IQSEC1: variants seen among roughly 807,000 people sequenced by gnomAD.
IQSEC1 encodes the protein IQ motif and Sec7 domain ArfGEF 1.
Under a neutral mutation model 91.0 loss-of-function variants are expected in IQSEC1, and 31 were observed. The observed-to-expected ratio is 0.34, with a 90% CI of 0.26 to 0.46. The LOEUF is 0.46. IQSEC1 is among the 20% of genes least tolerant of loss of function. IQSEC1 has a pLI of 1.00. For missense variants in IQSEC1, 1,388 were observed against 1,575.6 expected (o/e 0.88, Z 2.02); for synonymous variants, 699 against 662.6 (o/e 1.05, Z -0.84).
chr3:13,001,726 A>C (rs1437213867), intron 1 of IQSEC1, among the ~76,000 whole-genome samples: 1 of 152,390 alleles, frequency 6.6e-6, no homozygotes, highest in East Asian at 1.9e-4. Flanking sequence ...ATTTTTTACA[A>C]GGTGCCAAGA....
At chr3:13,064,477 C>T (rs1705171248) in intron 1 of IQSEC1, among the ~76,000 whole-genome samples, 2 of 152,196 alleles carry the variant, frequency 1.3e-5, no homozygotes, top group Admixed American at 6.5e-5. Flanking sequence ...TCATGTTAAT[C>T]GTGGGTGGGC....
At position 13,058,787 on chromosome 3, in the gene IQSEC1, C is replaced by T. The variant is rs565363249; in HGVS notation, c.23+14205G>A. Among the ~76,000 whole-genome samples, 11 of 152,344 alleles carry T rather than the reference C, an allele frequency of 7.2e-5. No homozygotes were observed. The East Asian group carries it at 2.1e-3, about 29-fold the overall frequency. On this transcript the variant is annotated intron_variant, in intron 1 of 13. Coordinates refer to ENST00000613206, the MANE Select transcript of IQSEC1 (RefSeq NM_001134382.3). ...GCTTCTATTTTAGGGGCGCAAGATG[C>T]TGTCACGACACACAGTGTTCCCCAT... is the stretch of plus-strand genomic sequence containing the variant.
At chr3:12,999,738 G>A (rs1000007090) in intron 1 of IQSEC1, among the ~76,000 whole-genome samples, 1 of 152,176 alleles carries the variant, frequency 6.6e-6, no homozygotes, top group Non-Finnish European at 1.5e-5. Context: ...TCATTACCCA[G>A]AACCTTCTGT....
At chr3:13,120,190 C>T (rs1706400992) in intron 2 of IQSEC1, among the ~76,000 whole-genome samples, 4 of 152,318 alleles carry the variant, frequency 2.6e-5, no homozygotes, top group African/African-American at 2.4e-5. Flanking sequence ...ACCTTCCGAC[C>T]CCCAGGGACA....
At chr3:13,174,056 T>C (rs1693670916) in intron 1 of IQSEC1, among the ~76,000 whole-genome samples, 1 of 152,110 alleles carries the variant, frequency 6.6e-6, no homozygotes, top group Non-Finnish European at 1.5e-5. Flanking sequence ...GTACAGAGTC[T>C]AACTACACTC....
At chr3:13,122,349 G>A (rs1236063278) in intron 2 of IQSEC1, among the ~76,000 whole-genome samples, 1 of 152,266 alleles carries the variant, frequency 6.6e-6, no homozygotes, top group Non-Finnish European at 1.5e-5. Context: ...AGGGCCCCGA[G>A]TGCCCCTTGA....
chr3:12,986,375 C>T (rs1244056955), intron 1 of IQSEC1, among the ~76,000 whole-genome samples: 1 of 152,208 alleles, frequency 6.6e-6, no homozygotes, highest in African/African-American at 2.4e-5. Context: ...GGGCCAGGAG[C>T]AGAGCCTGCA....
intron 2 of IQSEC1, among the ~76,000 whole-genome samples, chr3:13,136,079 C>G (rs905779409): frequency 1.3e-5 from 2 of 152,292 alleles, no homozygotes; most frequent in East Asian, 3.9e-4. Context: ...GGGCCGCCTG[C>G]GGGACATGCA....
intron 1 of IQSEC1, among the ~76,000 whole-genome samples, chr3:13,067,729 CAG>C (rs1705283484): frequency 6.6e-6 from 1 of 152,242 alleles, no homozygotes; most frequent in African/African-American, 2.4e-5. Flanking sequence ...TGGAGTCAGG[CAG>C]ACTCACTGGC....
In IQSEC1 at chr3:13,026,864, G is replaced by GCTTTTTTTTT. The variant is rs370534423; in HGVS notation, c.23+46127_23+46128insAAAAAAAAAG. 2.2e-5 allele frequency among the ~76,000 whole-genome samples: 2 copies of GCTTTTTTTTT among 90,864 alleles called. 1 individual carries two copies. The highest frequency in any genetic ancestry group is 4.9e-5 in the Non-Finnish European group (2 of 40,730). The allele number at this position is 90,864 out of a possible 152,430, so 59.6% of individuals were successfully genotyped here. ...TGAAGTAGCAGTTATTATCTCCCCA[G>GCTTTTTTTTT]TTTTTTTTTTTTTTGTTTGTTTTTT... On this transcript the variant is annotated intron_variant, in intron 1 of 13. Coordinates refer to ENST00000613206, the MANE Select transcript of IQSEC1 (RefSeq NM_001134382.3).
intron 1 of IQSEC1, among the ~76,000 whole-genome samples, chr3:13,200,119 A>G (rs1387471721): frequency 6.7e-6 from 1 of 149,590 alleles, no homozygotes; most frequent in Non-Finnish European, 1.5e-5. Context: ...ACACACATAC[A>G]CCACAGACTA....
chr3:12,909,274 C>T lies in IQSEC1; in HGVS notation c.2577G>A (p.Glu859=). 6.2e-7 allele frequency: 1 copy of T among 1,614,098 alleles called. No homozygotes were observed. Among genetic ancestry groups the T allele is most frequent in the South Asian group, 1.1e-5 (1 of 91,072 alleles). Residue 859 remains glutamate (E), a splice_region_variant and synonymous_variant, in exon 11 of 14, where the codon GAG becomes GAA. Coordinates refer to ENST00000613206, the MANE Select transcript of IQSEC1 (RefSeq NM_001134382.3). This position sits in a 1 kb window ranked among gnomAD's most constrained non-coding sequence, Gnocchi z 4.9. ...CTGTCCATGAGGCCTGGTACTCACA[C>T]TCTATCCTGTGCTTCTCCATCTCTT... ...EVQEMEKHRI[E]SELEKQKGVV...
At chr3:12,918,402 C>A (rs536306975) in intron 6 of IQSEC1, among the ~76,000 whole-genome samples, 16 of 152,320 alleles carry the variant, frequency 1.1e-4, no homozygotes, top group African/African-American at 3.6e-4. Context: ...CTGGCCGCCA[C>A]CTGACTCAGC....
chr3:12,998,150 G>C (rs1309964335), intron 1 of IQSEC1, among the ~76,000 whole-genome samples: 2 of 152,194 alleles, frequency 1.3e-5, no homozygotes, highest in Non-Finnish European at 2.9e-5. Flanking sequence ...AGGAGTTCAA[G>C]ATCAGCCTAG....
chr3:13,163,222 G>T (rs1053984674), intron 2 of IQSEC1, among the ~76,000 whole-genome samples: 5 of 152,082 alleles, frequency 3.3e-5, no homozygotes, highest in African/African-American at 1.2e-4. Context: ...CTCTTGTTCT[G>T]CAGGCACCTG....
chr3:13,155,878 T>C (rs1707078184), intron 2 of IQSEC1, among the ~76,000 whole-genome samples: 1 of 152,132 alleles, frequency 6.6e-6, no homozygotes, highest in African/African-American at 2.4e-5. Flanking sequence ...GCCATCTTAA[T>C]TGGTGCAGAA....
At chr3:13,265,947 C>T (rs184656122) in intron 1 of IQSEC1, among the ~76,000 whole-genome samples, 36 of 138,130 alleles carry the variant, frequency 2.6e-4, no homozygotes, top group African/African-American at 7.8e-4. Flanking sequence ...AACCAGATAA[C>T]GGGAAGCAGC....
chr3:13,050,847 T>C (rs961546130), intron 1 of IQSEC1, among the ~76,000 whole-genome samples: 1 of 152,238 alleles, frequency 6.6e-6, no homozygotes. Flanking sequence ...TTGTATTATA[T>C]TACATATATT....
chr3:13,126,796 A>G (rs1173015990), intron 2 of IQSEC1, among the ~76,000 whole-genome samples: 1 of 152,188 alleles, frequency 6.6e-6, no homozygotes, highest in African/African-American at 2.4e-5. Context: ...TCATCCCCTT[A>G]ACAGTATTTT....
Sources: gnomAD v4.1 joint callset for allele counts (sites outside exome capture counted in the v4.1 genomes callset) on GRCh38, gnomAD v4.1.1 for gene constraint, Gnocchi (gnomAD v3.1) non-coding constraint, MANE v1.5 for transcripts, NCBI Gene and HGNC (gene_info 2026-07-23, HGNC 2026-07-21) for gene names.